The following RPS6KA2 variants were observed in gnomAD, a reference collection of about 807,000 sequenced individuals.
The protein encoded by RPS6KA2 is ribosomal protein S6 kinase A2.
In RPS6KA2, 42 loss-of-function variants were observed where a neutral mutation model predicts 91.8. That is an observed-to-expected ratio of 0.46 (90% CI 0.36 to 0.59). RPS6KA2 has a LOEUF of 0.59. Among genes scored for constraint, RPS6KA2 ranks in the 20% least tolerant of loss-of-function variants. RPS6KA2 has a pLI of 0.00. For missense variants in RPS6KA2, 798 were observed against 978.5 expected, an observed-to-expected ratio of 0.82 and a Z score of 2.46; for synonymous variants, 414 against 393.6, an observed-to-expected ratio of 1.05 and a Z score of -0.61.
chr6:166,614,278 G>A (rs555940276), intron 1 of RPS6KA2, among the ~76,000 whole-genome samples: 3 of 152,316 alleles, frequency 2.0e-5, no homozygotes, highest in East Asian at 3.9e-4. Context: ...TACGCCTGTC[G>A]GAGGCTGAAC....
Position 166,418,489 on chromosome 6 carries a change from C to A in RPS6KA2, c.1821-147G>T, listed in dbSNP as rs537085795. 3.0e-6 allele frequency: 2 copies of A among 673,698 alleles called. No individual in the cohort carries two copies. Among genetic ancestry groups the A allele is most frequent in the Non-Finnish European group, 2.6e-6 (1 of 379,418 alleles). 41.7% of individuals were successfully genotyped at this position (673,698 alleles called of 1,614,324 possible). ...TCTGAAGCCAGGATTCATGGGAAAG[C>A]GGAACTTACCTCTAACACTATGCCC... On this transcript the variant is annotated intron_variant, in intron 18 of 20. Transcript: ENST00000265678. The surrounding 1 kb of genome is among the most constrained non-coding windows in gnomAD (Gnocchi z 4.9).
At chr6:166,783,789 CATAT>C (rs1261776990) in intron 2 of RPS6KA2, among the ~76,000 whole-genome samples, 2 of 114,824 alleles carry the variant, frequency 1.7e-5, no homozygotes, top group African/African-American at 2.7e-5. Context: ...TCTATAACTA[CATAT>C]ATACACGTGC....
chr6:166,565,317 C>G (rs192737873), intron 1 of RPS6KA2, among the ~76,000 whole-genome samples: 1 of 152,220 alleles, frequency 6.6e-6, no homozygotes, highest in Admixed American at 6.5e-5. Flanking sequence ...CTGGCTTTAA[C>G]GAAGCCCTGA....
chr6:166,708,570 T>C (rs1789757304), intron 2 of RPS6KA2, among the ~76,000 whole-genome samples: 1 of 152,244 alleles, frequency 6.6e-6, no homozygotes, highest in South Asian at 2.1e-4. Flanking sequence ...CCTCCTGCCT[T>C]GGAACCCTGG....
chr6:166,430,479 T>A lies in RPS6KA2; in HGVS notation c.1555A>T (p.Thr519Ser). 6.2e-7 allele frequency: 1 copy of A among 1,613,618 alleles called. No individual in the cohort carries two copies. The highest frequency in any genetic ancestry group is 1.1e-5 in the South Asian group (1 of 91,004). ...ASDVLCTITKTMDYLHSQGVV... is the reference protein window; with the variant it reads ...ASDVLCTITKSMDYLHSQGVV... ...CCCTGGGAATGGAGGTAGTCCATGG[T>A]CTTGGTGATGGTGCACAGGACGTCA... is the stretch of plus-strand genomic sequence containing the variant. The change falls in exon 16 of 21, where the codon ACC becomes TCC. Residue 519 changes from threonine to serine, a missense_variant. Thr to Ser is a moderately conservative substitution (Grantham distance 58). Transcript: ENST00000265678.
intron 10 of RPS6KA2, among the ~76,000 whole-genome samples, chr6:166,473,913 G>A (rs1039392355): frequency 6.7e-6 from 1 of 150,042 alleles, no homozygotes; most frequent in Non-Finnish European, 1.5e-5. Flanking sequence ...ATCACTTAAA[G>A]GTTATCTACA....
At chr6:166,634,489 C>T (rs530292041) in intron 2 of RPS6KA2, among the ~76,000 whole-genome samples, 1 of 152,330 alleles carries the variant, frequency 6.6e-6, no homozygotes, top group East Asian at 1.9e-4. Flanking sequence ...ACAGTTCACT[C>T]AGATGCTTCC....
chr6:166,697,914 G>A (rs1231731792), intron 2 of RPS6KA2, among the ~76,000 whole-genome samples: 1 of 152,172 alleles, frequency 6.6e-6, no homozygotes, highest in Non-Finnish European at 1.5e-5. Context: ...GGCACGGGGA[G>A]GACTCGGCGG....
At position 166,557,424 on chromosome 6, in the gene RPS6KA2, T is replaced by A. The variant is rs1784210120; in HGVS notation, c.100-18640A>T. Among the ~76,000 whole-genome samples, 1 of 152,262 alleles carries A rather than the reference T, an allele frequency of 6.6e-6. No individual in the cohort carries two copies. Among genetic ancestry groups the A allele is most frequent in the South Asian group, 2.1e-4 (1 of 4,830 alleles). ...AAAATGAACTGTTCTCCCACTGAGC[T>A]GTGCCTCAACCCAAATTAACCTGAA... On this transcript the variant is annotated intron_variant, in intron 1 of 20. Coordinates refer to ENST00000265678, the MANE Select transcript of RPS6KA2 (RefSeq NM_021135.6). This position sits in a 1 kb window ranked among gnomAD's most constrained non-coding sequence, Gnocchi z 4.8.
rs1288738255 is a variant in RPS6KA2 at position 166,648,040 on chromosome 6, TCACACACATGCACATGCTCA to T, written c.124-109276_124-109257del. 4.4e-5 allele frequency among the ~76,000 whole-genome samples: 5 copies of T among 114,930 alleles called. No individual in the cohort carries two copies. Among genetic ancestry groups the T allele is most frequent in the Non-Finnish European group, 7.0e-5 (4 of 56,762 alleles). The allele number at this position is 114,930 out of a possible 152,430, so 75.4% of individuals were successfully genotyped here. A position where few individuals can be genotyped will look rare whatever the true frequency, so the allele number is the denominator to read the frequency against. On this transcript the variant is annotated intron_variant, in intron 2 of 21. Coordinates refer to the RPS6KA2 transcript ENST00000503859. The surrounding 1 kb of genome is among the most constrained non-coding windows in gnomAD (Gnocchi z 4.8). The stretch of plus-strand genomic sequence containing the variant: ...TACACACATACATACACACATGCTC[TCACACACATGCACATGCTCA>T]CACACATGCACACGCACATGGTCAT...
chr6:166,574,863 T>C (rs902999717), intron 1 of RPS6KA2, among the ~76,000 whole-genome samples: 3 of 152,196 alleles, frequency 2.0e-5, no homozygotes, highest in African/African-American at 7.2e-5. Flanking sequence ...CTAGGTTCTA[T>C]ATAAATGAAA....
intron 2 of RPS6KA2, among the ~76,000 whole-genome samples, chr6:166,740,273 G>T (rs1790774157): frequency 6.6e-6 from 1 of 152,174 alleles, no homozygotes; most frequent in Admixed American, 6.5e-5. Context: ...TGAACAAGCT[G>T]CCCTACTGCT....
At chr6:166,782,667 G>A (rs1280539263) in intron 2 of RPS6KA2, among the ~76,000 whole-genome samples, 1 of 152,184 alleles carries the variant, frequency 6.6e-6, no homozygotes, top group African/African-American at 2.4e-5. Flanking sequence ...GCATCTTAGA[G>A]GCAGATGGCT....
At chr6:166,771,474 G>A (rs34195114) in intron 2 of RPS6KA2, among the ~76,000 whole-genome samples, 2 of 152,262 alleles carry the variant, frequency 1.3e-5, no homozygotes, top group East Asian at 1.9e-4. Flanking sequence ...GGCCAGCATG[G>A]TTTGGAGGTG....
chr6:166,759,115 G>A (rs938021894), intron 2 of RPS6KA2, among the ~76,000 whole-genome samples: 4 of 152,086 alleles, frequency 2.6e-5, no homozygotes, highest in African/African-American at 9.7e-5. Context: ...GCAGGTCTGC[G>A]TCTACACAGA....
At chr6:166,747,864 C>T (rs1165940069) in intron 2 of RPS6KA2, among the ~76,000 whole-genome samples, 4 of 152,222 alleles carry the variant, frequency 2.6e-5, no homozygotes, top group Non-Finnish European at 4.4e-5. Context: ...GGGCCTCCTC[C>T]TGAAGCTCTT....
chr6:166,458,001 ATGT>A (rs1780157989), intron 12 of RPS6KA2, among the ~76,000 whole-genome samples: 1 of 152,216 alleles, frequency 6.6e-6, no homozygotes, highest in South Asian at 2.1e-4. Context: ...TGTCCCACTT[ATGT>A]CTACAGAAGG....
At chr6:166,449,817 A>AACCACCACAGGG in intron 13 of RPS6KA2, among the ~76,000 whole-genome samples, 1 of 135,372 alleles carries the variant, frequency 7.4e-6, no homozygotes, top group East Asian at 2.1e-4. Flanking sequence ...CCACCATGGG[A>AACCACCACAGGG]ACCACCACAG....
At chr6:166,432,914 G>T (rs554598663) in intron 14 of RPS6KA2, among the ~76,000 whole-genome samples, 11 of 149,988 alleles carry the variant, frequency 7.3e-5, no homozygotes, top group African/African-American at 2.2e-4. Flanking sequence ...AGAATCACTT[G>T]AACCTGGGAG....
Sources: allele counts gnomAD v4.1 joint callset (sites outside exome capture counted in the v4.1 genomes callset), GRCh38; gene constraint gnomAD v4.1.1; non-coding constraint Gnocchi (gnomAD v3.1); transcripts MANE v1.5; gene names NCBI Gene and HGNC (gene_info 2026-07-23, HGNC 2026-07-21).